MAD1L1: variants seen among roughly 807,000 people sequenced by gnomAD.
MAD1L1 encodes the protein mitotic arrest deficient 1 like 1, also known as mitotic spindle assembly checkpoint protein MAD1.
A neutral mutation model predicts 96.9 loss-of-function variants in MAD1L1; 95 were observed. The observed-to-expected ratio is 0.98, with a 90% CI of 0.83 to 1.16. The LOEUF is 1.16. Among genes scored for constraint, MAD1L1 ranks in the 50% most tolerant of loss-of-function variants. The pLI is 0.00. For missense variants in MAD1L1, 1,007 were observed against 954.4 expected, an observed-to-expected ratio of 1.06 and a Z score of -0.73; for synonymous variants, 473 against 396.6, an observed-to-expected ratio of 1.19 and a Z score of -2.29.
chr7:2,174,554 C>T (rs536850965), intron 10 of MAD1L1, among the ~76,000 whole-genome samples: 9 of 152,232 alleles, frequency 5.9e-5, no homozygotes, highest in Admixed American at 2.0e-4. Context: ...TGAATGTGGT[C>T]CACAGAACCC....
intron 12 of MAD1L1, among the ~76,000 whole-genome samples, chr7:2,029,715 C>G (rs1212765677): frequency 6.6e-6 from 1 of 152,114 alleles, no homozygotes; most frequent in African/African-American, 2.4e-5. Flanking sequence ...GCCTAACTTT[C>G]TGGCAGTGGG....
chr7:2,219,628 TA>T (rs1793483954), intron 5 of MAD1L1, among the ~76,000 whole-genome samples, 172 bp from the exon 6 acceptor site: 1 of 73,264 alleles, frequency 1.4e-5, no homozygotes, highest in Non-Finnish European at 2.6e-5. Flanking sequence ...GGCAGAGGGG[TA>T]GGGGGGCAGA....
At chr7:2,139,995 C>CG (rs1788947676) in intron 11 of MAD1L1, among the ~76,000 whole-genome samples, 10 of 150,992 alleles carry the variant, frequency 6.6e-5, no homozygotes, top group African/African-American at 2.0e-4. Context: ...GACCCCGCCC[C>CG]CCCCCAGTCC....
At chr7:1,928,038 G>C (rs1202898369) in intron 17 of MAD1L1, among the ~76,000 whole-genome samples, 1 of 152,188 alleles carries the variant, frequency 6.6e-6, no homozygotes, top group Non-Finnish European at 1.5e-5. Flanking sequence ...TCGTGCCCGA[G>C]GCCTTGGCTG....
At chr7:2,214,792 A>G (rs1053223743) in intron 9 of MAD1L1, among the ~76,000 whole-genome samples, 1 of 152,168 alleles carries the variant, frequency 6.6e-6, no homozygotes, top group Non-Finnish European at 1.5e-5. Context: ...ACACCTTCCT[A>G]CCAACTGCCG....
Position 2,014,627 on chromosome 7 carries a change from G to T in MAD1L1, c.1234C>A (p.Arg412=). ...CTGTCGTAGGACCCCAGGATGGCCC[G>T]CATACCGTCCCGCTCCTGTGGACAC... is the stretch of plus-strand genomic sequence containing the variant. The part of the protein sequence containing the change: ...LLLTKERDGM[R]AILGSYDSEL... The change falls in exon 13 of 19, where the codon CGG becomes AGG. Residue 412 remains arginine, a synonymous_variant. Coordinates refer to ENST00000265854, the MANE Select transcript of MAD1L1 (RefSeq NM_001013836.2). 6.2e-7 allele frequency: 1 copy of T among 1,611,078 alleles called. No homozygotes were observed. Among genetic ancestry groups the T allele is most frequent in the Non-Finnish European group, 8.5e-7 (1 of 1,179,132 alleles).
intron 12 of MAD1L1, among the ~76,000 whole-genome samples, chr7:2,045,385 C>T (rs1783876741): frequency 6.6e-6 from 1 of 152,288 alleles, no homozygotes. Context: ...CTCAGGCTGC[C>T]GGGTGCCCTC....
At chr7:2,100,872 G>A (rs770289661) in intron 11 of MAD1L1, among the ~76,000 whole-genome samples, 14 of 152,248 alleles carry the variant, frequency 9.2e-5, no homozygotes, top group East Asian at 1.9e-4. Flanking sequence ...GACTCCTGTC[G>A]GGAGGGGCGC....
chr7:2,214,575 G>A (rs1018838825), intron 9 of MAD1L1, among the ~76,000 whole-genome samples: 6 of 152,192 alleles, frequency 3.9e-5, no homozygotes, highest in Admixed American at 3.3e-4. Flanking sequence ...CACAACCACC[G>A]GAGAAAGGCG....
rs568138670 is a variant in MAD1L1, at chr7:2,069,282, C to T, written c.1130G>A (p.Ser377Asn). 27 of 1,610,774 alleles carry T rather than the reference C, an allele frequency of 1.7e-5. No individual in the cohort carries two copies. The South Asian group carries it at 2.9e-4, about 17-fold the overall frequency. ...QQLQEELRQV[S>N]GQLLEERKKR... ...CTTCCTCTCCTCCAACAGCTGGCCG[C>T]TGACCTGCCGGAGCTCCTCCTGCAG... Residue 377 changes from serine to asparagine, a missense_variant, in exon 12 of 19, where the codon AGC (serine) becomes AAC (asparagine). By Grantham distance (46) the Ser-to-Asn change is conservative (BLOSUM62 1). Coordinates refer to ENST00000265854, the MANE Select transcript of MAD1L1 (RefSeq NM_001013836.2).
intron 14 of MAD1L1, among the ~76,000 whole-genome samples, chr7:1,983,985 C>T (rs1020124884): frequency 6.6e-6 from 1 of 152,080 alleles, no homozygotes; most frequent in Non-Finnish European, 1.5e-5. Context: ...GTTTACTTTC[C>T]TTTTGTTCTC....
At chr7:2,207,600 G>A (rs1048430249) in intron 10 of MAD1L1, among the ~76,000 whole-genome samples, 3 of 152,180 alleles carry the variant, frequency 2.0e-5, no homozygotes, top group East Asian at 1.9e-4. Flanking sequence ...TGGAAGCTCC[G>A]CGCCTCTCCT....
chr7:2,182,156 C>A (rs1442499117), intron 10 of MAD1L1, among the ~76,000 whole-genome samples: 1 of 152,016 alleles, frequency 6.6e-6, no homozygotes, highest in African/African-American at 2.4e-5. Context: ...AAAAAATAAA[C>A]TACTACTGAT....
At chr7:1,817,242 G>A (rs892466426) in intron 18 of MAD1L1, among the ~76,000 whole-genome samples, 1 of 152,112 alleles carries the variant, frequency 6.6e-6, no homozygotes, top group Non-Finnish European at 1.5e-5. Flanking sequence ...GCGGGAGCGT[G>A]TGTGGTGCGG....
intron 12 of MAD1L1, among the ~76,000 whole-genome samples, chr7:2,060,076 C>T (rs1327671903): frequency 6.6e-6 from 1 of 150,390 alleles, no homozygotes; most frequent in Non-Finnish European, 1.5e-5. Flanking sequence ...TCAAGATACG[C>T]TGATGCCAAG....
chr7:1,919,948 C>A (rs990959424), intron 17 of MAD1L1, among the ~76,000 whole-genome samples: 1 of 152,238 alleles, frequency 6.6e-6, no homozygotes, highest in African/African-American at 2.4e-5. Context: ...GCCTTACCCA[C>A]ACCCCTCCTC....
At chr7:1,915,645 G>C (rs1302962029) in intron 17 of MAD1L1, among the ~76,000 whole-genome samples, 1 of 152,238 alleles carries the variant, frequency 6.6e-6, no homozygotes, top group African/African-American at 2.4e-5. Context: ...CGGCACAGAA[G>C]ACAGCCAGGA....
intron 18 of MAD1L1, among the ~76,000 whole-genome samples, chr7:1,870,246 ACCTGCCACGCTGAACCCAACATATG>A (rs1784982685): frequency 6.7e-6 from 1 of 148,278 alleles, no homozygotes; most frequent in African/African-American, 2.5e-5. Context: ...CGACCATAAC[ACCTGCCACGCTGAACCCAACATATG>A]CCTGCCACGC....
intron 11 of MAD1L1, among the ~76,000 whole-genome samples, chr7:2,101,885 A>G (rs1188007429): frequency 1.3e-5 from 2 of 152,142 alleles, no homozygotes; most frequent in South Asian, 2.1e-4. Context: ...GGATAAACAC[A>G]TACCAGGCAG....
Sources: allele counts gnomAD v4.1 joint callset (sites outside exome capture counted in the v4.1 genomes callset), GRCh38; gene constraint gnomAD v4.1.1; transcripts MANE v1.5; gene names NCBI Gene and HGNC (gene_info 2026-07-23, HGNC 2026-07-21).